The following ZNF521 variants were observed in gnomAD, a reference collection of about 807,000 sequenced individuals.
ZNF521 encodes the protein zinc finger protein 521, also known as LYST-interacting protein 3.
Under a neutral mutation model 105.5 loss-of-function variants are expected in ZNF521, and 14 were observed. That is an observed-to-expected ratio of 0.13 (90% confidence interval 0.09 to 0.21). The LOEUF is 0.21. ZNF521 is among the 10% of genes least tolerant of loss of function. The probability of loss-of-function intolerance (pLI) is 1.00; values close to 1 mark genes in which losing one functional copy is unlikely to be tolerated. For synonymous variants in ZNF521, 635 were observed against 606.0 expected (o/e 1.05, Z -0.70); for missense variants, 1,233 against 1,629.7 (o/e 0.76, Z 4.19).
intron 5 of ZNF521, among the ~76,000 whole-genome samples, chr18:25,113,599 G>GA (rs2034239439): frequency 1.3e-5 from 2 of 151,858 alleles, no homozygotes; most frequent in South Asian, 2.1e-4. Flanking sequence ...GGAGAAAAGG[G>GA]AAAAAATCAT....
chr18:25,308,928 A>C (rs568694807), intron 3 of ZNF521, among the ~76,000 whole-genome samples: 1 of 152,038 alleles, frequency 6.6e-6, no homozygotes, highest in Non-Finnish European at 1.5e-5. Flanking sequence ...CAATATAATA[A>C]TATTTATATT....
rs2033445137 is a variant in ZNF521 at position 25,079,610 on chromosome 18, AGAGAGAG to A, written c.3906+9848_3906+9854del. On this transcript the variant is annotated intron_variant, in intron 7 of 7. Coordinates refer to ENST00000361524, the MANE Select transcript of ZNF521 (RefSeq NM_015461.3). ...GATCTCAGGAAAAAGTAAGAGAGAGAGAGAGAGAGAGAGAGAGAGTGAAAGAGAGAAG... is the reference window on the plus strand; with the variant it reads ...GATCTCAGGAAAAAGTAAGAGAGAGAAGAGAGAGAGAGTGAAAGAGAGAAG... Among the ~76,000 whole-genome samples, 3 of 1,806 alleles carry A rather than the reference AGAGAGAG, an allele frequency of 1.7e-3. No homozygotes were observed. In the Non-Finnish European group the frequency reaches 0.025, roughly 15 times the overall value. 1.2% of individuals were successfully genotyped at this position (1,806 alleles called of 152,430 possible). A position where few individuals can be genotyped will look rare whatever the true frequency, so the allele number is the denominator to read the frequency against.
intron 4 of ZNF521, among the ~76,000 whole-genome samples, chr18:25,212,501 C>G (rs1469895582): frequency 1.4e-5 from 1 of 69,620 alleles, no homozygotes; most frequent in Non-Finnish European, 2.5e-5. Context: ...AAGAGTGAGA[C>G]TTAGTCTCAA....
At chr18:25,298,549 ACTTT>A (rs1366433486) in intron 3 of ZNF521, among the ~76,000 whole-genome samples, 6 of 152,160 alleles carry the variant, frequency 3.9e-5, no homozygotes, top group Non-Finnish European at 7.3e-5. Context: ...TATCCCTAGG[ACTTT>A]TGTTCGCCCT....
At chr18:25,190,250 AT>A (rs544743413) in intron 5 of ZNF521, among the ~76,000 whole-genome samples, 2 of 151,508 alleles carry the variant, frequency 1.3e-5, no homozygotes, top group Admixed American at 6.6e-5. Context: ...TCAAATAAGG[AT>A]TTTTTTTAAA....
intron 5 of ZNF521, among the ~76,000 whole-genome samples, chr18:25,164,510 A>C (rs1412842508): frequency 6.6e-6 from 1 of 152,222 alleles, no homozygotes; most frequent in Non-Finnish European, 1.5e-5. Context: ...GAAACTAGGA[A>C]GATCAAAGTA....
At chr18:25,294,356 A>G (rs1487922463) in intron 3 of ZNF521, among the ~76,000 whole-genome samples, 32 of 152,204 alleles carry the variant, frequency 2.1e-4, no homozygotes, top group Admixed American at 2.1e-3. Context: ...ATGGGAAAAT[A>G]ATTATGCTAC....
At chr18:25,078,918 G>C (rs546645971) in intron 7 of ZNF521, among the ~76,000 whole-genome samples, 1 of 152,238 alleles carries the variant, frequency 6.6e-6, no homozygotes, top group Non-Finnish European at 1.5e-5. Context: ...GGATAGGACA[G>C]AGTGGGAACA....
At chr18:25,148,397 A>G (rs1028755018) in intron 5 of ZNF521, among the ~76,000 whole-genome samples, 1 of 152,188 alleles carries the variant, frequency 6.6e-6, no homozygotes, top group East Asian at 1.9e-4. Context: ...ATGTATTCAC[A>G]TCTGTCATCT....
At chr18:25,200,254 C>T (rs1025608207) in intron 4 of ZNF521, among the ~76,000 whole-genome samples, 4 of 152,094 alleles carry the variant, frequency 2.6e-5, no homozygotes, top group South Asian at 2.1e-4. Flanking sequence ...AAGTAACTTA[C>T]GAGAGCGAAG....
chr18:25,344,436 G>A (rs1253793454), intron 2 of ZNF521, among the ~76,000 whole-genome samples: 1 of 152,050 alleles, frequency 6.6e-6, no homozygotes, highest in Non-Finnish European at 1.5e-5. Flanking sequence ...AGACAAGTAC[G>A]CTTTCACTAC....
chr18:25,323,291 T>C (rs1369011922), intron 2 of ZNF521, among the ~76,000 whole-genome samples: 1 of 152,114 alleles, frequency 6.6e-6, no homozygotes, highest in Non-Finnish European at 1.5e-5. Context: ...GACTAGTCAA[T>C]GAAATGGTTA....
intron 3 of ZNF521, among the ~76,000 whole-genome samples, chr18:25,289,664 C>T (rs898101374): frequency 1.8e-4 from 28 of 152,184 alleles, no homozygotes; most frequent in Non-Finnish European, 4.1e-4. Flanking sequence ...CCCACTTACC[C>T]CCAACTCTCT....
chr18:25,138,894 A>G (rs1467198726), intron 5 of ZNF521, among the ~76,000 whole-genome samples: 1 of 152,170 alleles, frequency 6.6e-6, no homozygotes, highest in Non-Finnish European at 1.5e-5. Context: ...TCAACAGGCC[A>G]CAGGGCACTG....
intron 3 of ZNF521, among the ~76,000 whole-genome samples, chr18:25,298,845 A>G (rs1310645337): frequency 6.6e-6 from 1 of 152,222 alleles, no homozygotes; most frequent in African/African-American, 2.4e-5. Flanking sequence ...ATAGCTTCAC[A>G]GAGTGAAATA....
At chr18:25,184,450 C>T (rs1197410062) in intron 5 of ZNF521, among the ~76,000 whole-genome samples, 1 of 152,144 alleles carries the variant, frequency 6.6e-6, no homozygotes, top group East Asian at 1.9e-4. Context: ...TCAGTGGAGA[C>T]TCTTGCTTTT....
intron 2 of ZNF521, among the ~76,000 whole-genome samples, chr18:25,329,556 T>C (rs912938216): frequency 2.0e-5 from 3 of 152,028 alleles, no homozygotes; most frequent in Non-Finnish European, 4.4e-5. Flanking sequence ...TAAAACAACA[T>C]GATGACTTCA....
chr18:25,246,674 C>T (rs1907747283), intron 3 of ZNF521, among the ~76,000 whole-genome samples: 1 of 152,222 alleles, frequency 6.6e-6, no homozygotes, highest in Non-Finnish European at 1.5e-5. Flanking sequence ...CCAGTCTTAT[C>T]TGTGGGTTTG....
At chr18:25,097,486 A>C (rs1265334754) in intron 5 of ZNF521, among the ~76,000 whole-genome samples, 1 of 152,106 alleles carries the variant, frequency 6.6e-6, no homozygotes, top group Admixed American at 6.5e-5. Flanking sequence ...TTGCCATGAA[A>C]ATGAATGCAG....
Sources: allele counts gnomAD v4.1 joint callset (sites outside exome capture counted in the v4.1 genomes callset), GRCh38; gene constraint gnomAD v4.1.1; transcripts MANE v1.5; gene names NCBI Gene and HGNC (gene_info 2026-07-23, HGNC 2026-07-21).